The following PHTF2 variants were observed in gnomAD, a reference collection of about 807,000 sequenced individuals.
PHTF2 encodes protein PHTF2.
PHTF2 carries 60 observed loss-of-function variants against 101.2 expected under a neutral mutation model. The ratio of observed to expected loss-of-function variants is 0.59; its 90% CI spans 0.48 to 0.73. PHTF2 has a LOEUF of 0.73. Among genes scored for constraint, PHTF2 ranks in the 30% least tolerant of loss-of-function variants. PHTF2 has a pLI of 0.00. For synonymous variants in PHTF2, 311 were observed against 307.3 expected (o/e 1.01, Z -0.13); for missense variants, 747 against 908.7 (o/e 0.82, Z 2.29).
intron 3 of PHTF2, among the ~76,000 whole-genome samples, chr7:77,859,734 T>A (rs986350949): frequency 6.6e-6 from 1 of 152,042 alleles, no homozygotes; most frequent in Non-Finnish European, 1.5e-5. Context: ...CACACCTGGC[T>A]AATTTTTTTA....
chr7:77,887,503 A>C (rs1799973141), intron 3 of PHTF2, among the ~76,000 whole-genome samples: 1 of 152,182 alleles, frequency 6.6e-6, no homozygotes, highest in South Asian at 2.1e-4. Flanking sequence ...TGGAGATGAC[A>C]GAAAATGATG....
chr7:77,826,380 T>G (rs922505488), intron 1 of PHTF2, among the ~76,000 whole-genome samples: 2 of 152,196 alleles, frequency 1.3e-5, no homozygotes, highest in African/African-American at 4.8e-5. Context: ...TAACAGTGGC[T>G]TAAACTATAA....
At chr7:77,827,941 G>A (rs142936510) in intron 1 of PHTF2, among the ~76,000 whole-genome samples, 445 of 152,302 alleles carry the variant, frequency 2.9e-3, no homozygotes, top group African/African-American at 9.9e-3. Context: ...ACGGAGCCCA[G>A]CCTCAATAGT....
At chr7:77,802,631 C>G (rs1792646572) in intron 1 of PHTF2, among the ~76,000 whole-genome samples, 1 of 152,190 alleles carries the variant, frequency 6.6e-6, no homozygotes, top group Non-Finnish European at 1.5e-5. Flanking sequence ...AACTCCCAGG[C>G]TCAGGCAATC....
At position 77,910,389 on chromosome 7, in the gene PHTF2, T is replaced by C. The variant is rs1407294860; in HGVS notation, c.756T>C (p.His252=). The C allele has an allele frequency of 5.0e-6, 8 of 1,612,610 alleles. No individual in the cohort carries two copies. The African/African-American group carries it at 8.0e-5, about 16-fold the overall frequency. Reference sequence around the variant, plus strand: ...GCACTGTCTTCAGAGATCTCTGGCATGCTGCTTTCTTTTTATCAGGGTTTG... The same window carrying C: ...GCACTGTCTTCAGAGATCTCTGGCACGCTGCTTTCTTTTTATCAGGGTTTG... Residue 252 remains histidine, a synonymous_variant, in exon 9 of 20, where the codon CAT becomes CAC. Coordinates refer to ENST00000416283, the Ensembl canonical transcript of PHTF2.
rs1004061672 is a variant in PHTF2, at chr7:77,908,051, C to T, written c.446-742C>T. 4 of 152,080 alleles carry T rather than the reference C, an allele frequency of 2.6e-5. No homozygotes were observed. In the South Asian group the frequency reaches 8.3e-4, roughly 32 times the overall value. The allele number at this position is 152,080 out of a possible 1,614,324, so 9.4% of individuals were successfully genotyped here. ...GTGATCTAGGAGAAAGGTCTTGAAG[C>T]ACCTATATTAGTCCCTGAAAAAGAC... is the stretch of plus-strand genomic sequence containing the variant. On this transcript the variant is annotated intron_variant, in intron 7 of 19. Transcript: ENST00000416283.
chr7:77,822,177 G>A (rs1211575625), intron 1 of PHTF2, among the ~76,000 whole-genome samples: 1 of 152,204 alleles, frequency 6.6e-6, no homozygotes, highest in Non-Finnish European at 1.5e-5. Context: ...CTGGAAGTGT[G>A]GCAGTGGCAG....
intron 1 of PHTF2, among the ~76,000 whole-genome samples, chr7:77,834,090 T>A (rs1795262454): frequency 6.6e-6 from 1 of 151,962 alleles, no homozygotes; most frequent in Non-Finnish European, 1.5e-5. Flanking sequence ...ACCCTCTGAT[T>A]AGCAGCAGTT....
chr7:77,950,474 A>G (rs1160729262), intron 17 of PHTF2, among the ~76,000 whole-genome samples: 2 of 152,132 alleles, frequency 1.3e-5, no homozygotes, highest in Non-Finnish European at 2.9e-5. Context: ...CAGCCTGGCC[A>G]ACAAGGTGAA....
At chr7:77,823,095 G>A (rs551399435) in intron 1 of PHTF2, among the ~76,000 whole-genome samples, 2 of 151,704 alleles carry the variant, frequency 1.3e-5, no homozygotes, top group Admixed American at 6.6e-5. Context: ...TAGTAGAGAC[G>A]GGGTTTCACC....
At chr7:77,813,576 G>C (rs1793615035) in intron 1 of PHTF2, among the ~76,000 whole-genome samples, 1 of 152,170 alleles carries the variant, frequency 6.6e-6, no homozygotes, top group African/African-American at 2.4e-5. Context: ...TGAGCACCTT[G>C]GGAGAAGAGA....
intron 1 of PHTF2, among the ~76,000 whole-genome samples, chr7:77,838,717 A>G (rs989526877): frequency 6.6e-6 from 1 of 152,166 alleles, no homozygotes; most frequent in Non-Finnish European, 1.5e-5. Context: ...ATTACATAAT[A>G]GATAGTAGAG....
chr7:77,890,614 T>A (rs1335601681), intron 3 of PHTF2, among the ~76,000 whole-genome samples: 1 of 142,708 alleles, frequency 7.0e-6, no homozygotes, highest in African/African-American at 2.6e-5. Flanking sequence ...TTTTTTTTTT[T>A]TTTTTTTTTG....
chr7:77,874,522 C>A (rs948324122), intron 3 of PHTF2, among the ~76,000 whole-genome samples: 5 of 152,194 alleles, frequency 3.3e-5, no homozygotes, highest in African/African-American at 1.2e-4. Context: ...AACTTGGAAT[C>A]CGCTGTTCCA....
At chr7:77,899,118 A>G (rs1467291019) in intron 5 of PHTF2, among the ~76,000 whole-genome samples, 2 of 152,192 alleles carry the variant, frequency 1.3e-5, no homozygotes, top group Non-Finnish European at 2.9e-5. Context: ...GAGGTTATCT[A>G]ACACATTTTC....
chr7:77,828,386 A>G (rs1037809093), intron 1 of PHTF2, among the ~76,000 whole-genome samples: 1 of 152,238 alleles, frequency 6.6e-6, no homozygotes, highest in African/African-American at 2.4e-5. Context: ...CTGTGGTGGT[A>G]CTTTGGTTGG....
At chr7:77,899,789 C>G (rs1005341633) in intron 5 of PHTF2, among the ~76,000 whole-genome samples, 7 of 152,142 alleles carry the variant, frequency 4.6e-5, no homozygotes, top group African/African-American at 1.7e-4. Flanking sequence ...CAGTTACTTG[C>G]TTAATTGAAT....
intron 12 of PHTF2, among the ~76,000 whole-genome samples, chr7:77,930,045 C>T (rs759049977): frequency 2.6e-5 from 4 of 151,098 alleles, no homozygotes; most frequent in Non-Finnish European, 5.9e-5. Context: ...CCTTCGCCTC[C>T]CAGGTTCCAG....
At chr7:77,837,973 T>A (rs117128208) in intron 1 of PHTF2, among the ~76,000 whole-genome samples, 3,479 of 152,264 alleles carry the variant, frequency 0.023, 53 homozygotes, top group Middle Eastern at 0.068. Flanking sequence ...TCTGGAATAT[T>A]TGTCAATAAA....
Sources: allele counts gnomAD v4.1 joint callset (sites outside exome capture counted in the v4.1 genomes callset), GRCh38; gene constraint gnomAD v4.1.1; transcripts MANE v1.5; gene names NCBI Gene and HGNC (gene_info 2026-07-23, HGNC 2026-07-21).